The following BTBD9 variants were observed in gnomAD, a reference collection of about 807,000 sequenced individuals.
BTBD9 encodes BTB/POZ domain-containing protein 9.
A neutral mutation model predicts 64.3 loss-of-function variants in BTBD9; 49 were observed. The observed-to-expected ratio is 0.76, with a 90% CI of 0.61 to 0.97. BTBD9 has a LOEUF of 0.97. BTBD9 is among the 50% of genes least tolerant of loss of function. The pLI is 0.00. For synonymous variants in BTBD9, 260 were observed against 274.7 expected (o/e 0.95, Z 0.53); for missense variants, 598 against 762.1 (o/e 0.78, Z 2.53).
chr6:38,443,630 CTT>C (rs760288363), intron 6 of BTBD9, among the ~76,000 whole-genome samples: 15 of 152,316 alleles, frequency 9.8e-5, no homozygotes, highest in Non-Finnish European at 2.1e-4. Flanking sequence ...AACACACTCT[CTT>C]TGTCTCTCTC....
At chr6:38,556,935 C>G (rs1775050910) in intron 6 of BTBD9, among the ~76,000 whole-genome samples, 1 of 136,812 alleles carries the variant, frequency 7.3e-6, no homozygotes, top group Non-Finnish European at 1.5e-5. Flanking sequence ...ATCGCTAGAA[C>G]CTGGGAGGTG....
chr6:38,439,130 T>TTTTTG (rs1768898302), intron 6 of BTBD9, among the ~76,000 whole-genome samples: 1 of 148,696 alleles, frequency 6.7e-6, no homozygotes, highest in Admixed American at 6.7e-5. Flanking sequence ...TTTTTTTTTT[T>TTTTTG]TTTTGGTGAG....
intron 4 of BTBD9, among the ~76,000 whole-genome samples, chr6:38,581,924 G>A (rs977157859): frequency 6.6e-6 from 1 of 152,106 alleles, no homozygotes; most frequent in African/African-American, 2.4e-5. Flanking sequence ...AACTATGTAT[G>A]TTTACAGACT....
intron 4 of BTBD9, chr6:38,588,407 G>T: frequency 1.2e-6 from 1 of 824,366 alleles, no homozygotes; most frequent in Non-Finnish European, 2.1e-6. Flanking sequence ...GGGGCCTATA[G>T]ACCAAGATCA....
chr6:38,271,988 AAGC>A (rs1194796709), intron 8 of BTBD9, among the ~76,000 whole-genome samples: 5 of 151,408 alleles, frequency 3.3e-5, no homozygotes, highest in Admixed American at 1.3e-4. Flanking sequence ...GGAGGGGGGG[AAGC>A]AGCAGCAGCA....
intron 6 of BTBD9, among the ~76,000 whole-genome samples, chr6:38,506,899 T>C (rs1175572330): frequency 6.6e-6 from 1 of 152,204 alleles, no homozygotes; most frequent in Non-Finnish European, 1.5e-5. Flanking sequence ...GTTTCCTATC[T>C]CTTCAGCACC....
At chr6:38,436,254 T>A (rs1768730673) in intron 6 of BTBD9, among the ~76,000 whole-genome samples, 1 of 151,934 alleles carries the variant, frequency 6.6e-6, no homozygotes, top group African/African-American at 2.4e-5. Flanking sequence ...TTTCCTGTCT[T>A]AAATCCAAAT....
chr6:38,264,131 T>G (rs1352018654), intron 8 of BTBD9, among the ~76,000 whole-genome samples: 2 of 152,178 alleles, frequency 1.3e-5, no homozygotes, highest in Non-Finnish European at 2.9e-5. Context: ...TGGAGTGGGC[T>G]CAGTGGCATC....
intron 9 of BTBD9, among the ~76,000 whole-genome samples, chr6:38,244,731 C>T (rs200770190): frequency 5.3e-5 from 8 of 152,088 alleles, no homozygotes; most frequent in Non-Finnish European, 8.8e-5. Context: ...AAGTCACTAA[C>T]GTGAGGGGCA....
chr6:38,175,018 G>A lies in BTBD9; in HGVS notation c.1806C>T (p.Ser602=), dbSNP rs1341455365. The A allele has an allele frequency of 7.4e-6, 12 of 1,613,962 alleles. No individual in the cohort carries two copies. The highest frequency in any genetic ancestry group is 9.3e-6 in the Non-Finnish European group (11 of 1,180,042). Residue 602 remains serine (S), a synonymous_variant, in exon 11 of 11, where the codon TCC becomes TCT. Coordinates refer to ENST00000481247, the MANE Select transcript of BTBD9 (RefSeq NM_001099272.2). ...GCTGCCGGTTGGGGGAGCGTGAGTT[G>A]GAGCCTGGGCTGGAGGGTAGTGAGC... ...SGSSLPSSPG[S]NSRSPNRQHQ
chr6:38,583,712 T>C lies in BTBD9; in HGVS notation c.815-3275A>G, dbSNP rs540334555. On this transcript the variant is annotated intron_variant, in intron 4 of 10. Transcript: ENST00000481247. The stretch of plus-strand genomic sequence containing the variant: ...ATTTCTACCACAAGTCTAAGTCTTC[T>C]TTTGAAGTTTATTTCAAGGGTACTT... 1.3e-3 allele frequency among the ~76,000 whole-genome samples: 205 copies of C among 152,336 alleles called. 7 individuals are homozygous for C. Among genetic ancestry groups the C allele is most frequent in the Non-Finnish European group, 6.0e-4 (41 of 68,030 alleles).
intron 10 of BTBD9, among the ~76,000 whole-genome samples, chr6:38,183,280 A>G (rs189203454): frequency 6.6e-6 from 1 of 152,190 alleles, no homozygotes; most frequent in African/African-American, 2.4e-5. Context: ...CCCGGCCTAA[A>G]AGGTCTTCTT....
At chr6:38,585,737 C>T (rs1776487325) in intron 4 of BTBD9, among the ~76,000 whole-genome samples, 1 of 152,092 alleles carries the variant, frequency 6.6e-6, no homozygotes, top group Non-Finnish European at 1.5e-5. Flanking sequence ...TATCACTTAG[C>T]AAAACAAAAG....
At chr6:38,466,800 A>C (rs1273168459) in intron 6 of BTBD9, among the ~76,000 whole-genome samples, 1 of 152,094 alleles carries the variant, frequency 6.6e-6, no homozygotes, top group Non-Finnish European at 1.5e-5. Context: ...CTGGTATCGA[A>C]GTCCTGACCT....
intron 9 of BTBD9, among the ~76,000 whole-genome samples, chr6:38,238,025 G>C (rs1276608763): frequency 6.6e-6 from 1 of 152,192 alleles, no homozygotes; most frequent in African/African-American, 2.4e-5. Context: ...TGTGCCTATA[G>C]TCCCAGCTAC....
At chr6:38,277,930 T>G (rs1761342055) in intron 8 of BTBD9, among the ~76,000 whole-genome samples, 1 of 152,186 alleles carries the variant, frequency 6.6e-6, no homozygotes, top group South Asian at 2.1e-4. Context: ...GTTGGCTAGA[T>G]AAGCCAACCC....
intron 7 of BTBD9, among the ~76,000 whole-genome samples, chr6:38,338,968 G>C (rs1366549897): frequency 6.6e-6 from 1 of 152,182 alleles, no homozygotes; most frequent in Non-Finnish European, 1.5e-5. Context: ...AACATGCTCT[G>C]CTGGCAAGGC....
intron 6 of BTBD9, among the ~76,000 whole-genome samples, chr6:38,398,690 A>C (rs1766798608): frequency 6.6e-6 from 1 of 152,230 alleles, no homozygotes; most frequent in South Asian, 2.1e-4. Flanking sequence ...TATGACAACA[A>C]AGGAGAAGAA....
chr6:38,369,222 C>G (rs1043241324), intron 6 of BTBD9, among the ~76,000 whole-genome samples: 8 of 152,176 alleles, frequency 5.3e-5, no homozygotes, highest in African/African-American at 1.7e-4. Context: ...TGCCTCTACT[C>G]TTGCCATCCT....
Sources: allele counts gnomAD v4.1 joint callset (sites outside exome capture counted in the v4.1 genomes callset), GRCh38; gene constraint gnomAD v4.1.1; transcripts MANE v1.5; gene names NCBI Gene and HGNC (gene_info 2026-07-23, HGNC 2026-07-21).